TTC9C: variants seen among roughly 807,000 people sequenced by gnomAD.
The protein encoded by TTC9C is tetratricopeptide repeat domain 9C.
In TTC9C, 15 loss-of-function variants were observed where a neutral mutation model predicts 22.5. The observed-to-expected ratio is 0.67, with a 90% CI of 0.45 to 1.03. The LOEUF (loss-of-function observed/expected upper bound fraction) is 1.03, where lower values mean the gene tolerates loss of function less well. TTC9C is among the 50% of genes least tolerant of loss of function. The probability of loss-of-function intolerance (pLI) is 0.00; values close to 1 mark genes in which losing one functional copy is unlikely to be tolerated. For missense variants in TTC9C, 244 were observed against 214.6 expected, an observed-to-expected ratio of 1.14 and a Z score of -0.86; for synonymous variants, 92 against 86.8, an observed-to-expected ratio of 1.06 and a Z score of -0.33.
rs34523976 is a variant in TTC9C, at chr11:62,730,895, A to AT, written c.238+1820dup. Among the ~76,000 whole-genome samples, 193 of 136,956 alleles carry AT rather than the reference A, an allele frequency of 1.4e-3. 1 individual carries two copies. The South Asian group carries it at 0.023, about 17-fold the overall frequency. 89.8% of individuals were successfully genotyped at this position (136,956 alleles called of 152,430 possible). A position where few individuals can be genotyped will look rare whatever the true frequency, so the allele number is the denominator to read the frequency against. On this transcript the variant is annotated intron_variant, in intron 1 of 2. Transcript: ENST00000316461. ...GCCTTATTTTTTATTTTATTTATTTATTTTTTTTTTTGAGACGGTGTCTCA... is the reference window on the plus strand; with the variant it reads ...GCCTTATTTTTTATTTTATTTATTTATTTTTTTTTTTTGAGACGGTGTCTCA...
rs189624058 is a variant in TTC9C, at chr11:62,736,972, C to T, written c.422-1316C>T. On this transcript the variant is annotated intron_variant, in intron 2 of 2. Transcript: ENST00000316461. The stretch of plus-strand genomic sequence containing the variant: ...CAGCACTTTGGGAGGCCAAGGTGGG[C>T]GGATCATGTGAGGCCAGGAGTTCGA... Among the ~76,000 whole-genome samples, 66 of 151,656 alleles carry T rather than the reference C, an allele frequency of 4.4e-4. No homozygotes were observed. The East Asian group carries it at 8.4e-3, about 19-fold the overall frequency.
At chr11:62,733,224 G>T in intron 1 of TTC9C, 1 of 1,226,992 alleles carries the variant, frequency 8.2e-7, no homozygotes, top group Admixed American at 2.7e-5. Flanking sequence ...GTCCCATTAA[G>T]TCATCCAAGA....
At chr11:62,734,325 C>T (rs2083886489) in intron 1 of TTC9C, among the ~76,000 whole-genome samples, 2 of 151,738 alleles carry the variant, frequency 1.3e-5, no homozygotes, top group African/African-American at 2.4e-5. Flanking sequence ...CTCACCTGGG[C>T]ATAGTGGCTC....
Position 62,728,777 on chromosome 11 carries a change from A to G in TTC9C, c.-72A>G. The G allele has an allele frequency of 2.7e-6, 4 of 1,487,458 alleles. No individual in the cohort carries two copies. The highest frequency in any genetic ancestry group is 3.7e-6 in the Non-Finnish European group (4 of 1,067,702). The allele number at this position is 1,487,458 out of a possible 1,614,324, so 92.1% of individuals were successfully genotyped here. On this transcript the variant is annotated 5_prime_UTR_variant, in exon 1 of 3. Transcript: ENST00000316461. The stretch of plus-strand genomic sequence containing the variant: ...CTTAAATTGGCTGCTACTGTCAGTT[A>G]TTTTGCTCCCAACCCCAGAGCTTCA...
chr11:62,735,739 G>A (rs2083904165), intron 2 of TTC9C, 175 bp downstream of exon 2: 1 of 1,210,628 alleles, frequency 8.3e-7, no homozygotes, highest in East Asian at 2.8e-5. Context: ...TTCCACTCTT[G>A]TGTTCTTGTC....
chr11:62,737,076 G>A (rs574636508), intron 2 of TTC9C, among the ~76,000 whole-genome samples: 2 of 152,092 alleles, frequency 1.3e-5, no homozygotes, highest in East Asian at 3.9e-4. Flanking sequence ...GCGGGCGCCT[G>A]TAATCCCAGC....
At chr11:62,733,503 T>G (rs1469580850) in intron 1 of TTC9C, among the ~76,000 whole-genome samples, 1 of 152,136 alleles carries the variant, frequency 6.6e-6, no homozygotes, top group African/African-American at 2.4e-5. Flanking sequence ...TTAACAAAGC[T>G]GCAGTACAAG....
Position 62,738,286 on chromosome 11 carries a change from A to G in TTC9C, c.422-2A>G, listed in dbSNP as rs1278479718. ...CTAATTGCTTCTCCATCATCTTCCA[A>G]GATGCCAACGTCCGGCGGTACCTCC... On this transcript the variant is annotated splice_acceptor_variant, in intron 2 of 2. Transcript: ENST00000316461. LOFTEE classifies it high-confidence loss of function. The G allele has an allele frequency of 6.2e-7, 1 of 1,606,886 alleles. No homozygotes were observed. The highest frequency in any genetic ancestry group is 8.5e-7 in the Non-Finnish European group (1 of 1,175,150).
chr11:62,731,876 G>A (rs1489427465), intron 1 of TTC9C, among the ~76,000 whole-genome samples: 1 of 149,340 alleles, frequency 6.7e-6, no homozygotes, highest in Admixed American at 6.7e-5. Flanking sequence ...TAGTAGAGAC[G>A]GGGTCTCACC....
chr11:62,738,554 C>A lies in TTC9C; in HGVS notation c.*172C>A. 1 of 524,542 alleles carries A rather than the reference C, an allele frequency of 1.9e-6. No homozygotes were observed. Among genetic ancestry groups the A allele is most frequent in the Non-Finnish European group, 3.4e-6 (1 of 292,752 alleles). The allele number at this position is 524,542 out of a possible 1,614,324, so 32.5% of individuals were successfully genotyped here. Reference sequence around the variant, plus strand: ...TTAGACAGTCTGAGTCTTTTTCTGTCTATCCATCTGTTTATTTCTATACCT... The same window carrying A: ...TTAGACAGTCTGAGTCTTTTTCTGTATATCCATCTGTTTATTTCTATACCT... On this transcript the variant is annotated 3_prime_UTR_variant, in exon 3 of 3. Coordinates refer to ENST00000316461, the MANE Select transcript of TTC9C (RefSeq NM_173810.4).
upstream of TTC9C, chr11:62,728,408 G>C (rs1252252578): frequency 7.4e-6 from 3 of 407,474 alleles, no homozygotes; most frequent in East Asian, 7.1e-5. Context: ...AAGCCCTCTG[G>C]AGTTTTAGCA....
At chr11:62,728,416 G>A (rs1297475273), upstream of TTC9C, 1 of 424,250 alleles carries the variant, frequency 2.4e-6, no homozygotes, top group African/African-American at 2.1e-5. Context: ...TGGAGTTTTA[G>A]CACTAGTCCC....
At chr11:62,738,016 G>C (rs2083930619) in intron 2 of TTC9C, among the ~76,000 whole-genome samples, 1 of 152,096 alleles carries the variant, frequency 6.6e-6, no homozygotes, top group Non-Finnish European at 1.5e-5. Context: ...CTGGGTGACA[G>C]AGCGAGACCC....
intron 1 of TTC9C, among the ~76,000 whole-genome samples, chr11:62,731,989 CTTTTTTTT>C (rs58705402): frequency 3.2e-5 from 2 of 63,216 alleles, no homozygotes; most frequent in South Asian, 1.0e-3. Flanking sequence ...CTGGTCAGCA[CTTTTTTTT>C]TTTTTTTTTT....
chr11:62,733,517 T>C (rs1006915083), intron 1 of TTC9C, among the ~76,000 whole-genome samples: 3 of 152,102 alleles, frequency 2.0e-5, no homozygotes, highest in African/African-American at 7.2e-5. Flanking sequence ...GTACAAGAAC[T>C]GTGGTGAAAT....
At chr11:62,738,089 C>T (rs552812089) in intron 2 of TTC9C, among the ~76,000 whole-genome samples, 199 bp from the exon 3 acceptor site, 23 of 143,502 alleles carry the variant, frequency 1.6e-4, no homozygotes, top group African/African-American at 4.1e-4. Flanking sequence ...AATTAGCAGC[C>T]GGGACAGAGA....
chr11:62,728,182 C>T (rs982347267), upstream of TTC9C: 7 of 282,028 alleles, frequency 2.5e-5, no homozygotes, highest in Admixed American at 1.0e-4. Flanking sequence ...CTGACCCTTT[C>T]CTCTCCTTGC....
intron 1 of TTC9C, among the ~76,000 whole-genome samples, chr11:62,731,390 A>G (rs1309983580): frequency 6.6e-6 from 1 of 152,142 alleles, no homozygotes; most frequent in African/African-American, 2.4e-5. Flanking sequence ...TAGGCCGAGG[A>G]GTTCAAGACC....
chr11:62,730,922 T>C (rs1590909776), intron 1 of TTC9C, among the ~76,000 whole-genome samples: 1 of 148,216 alleles, frequency 6.7e-6, no homozygotes, highest in Non-Finnish European at 1.5e-5. Context: ...GGTGTCTCAC[T>C]CTGTTGCTCA....
Sources: allele counts gnomAD v4.1 joint callset (sites outside exome capture counted in the v4.1 genomes callset), GRCh38; gene constraint gnomAD v4.1.1; transcripts MANE v1.5; gene names NCBI Gene and HGNC (gene_info 2026-07-23, HGNC 2026-07-21).